AKR1B1: variants seen among roughly 807,000 people sequenced by gnomAD.
AKR1B1 encodes aldo-keto reductase family 1 member B1.
In AKR1B1, 22 loss-of-function variants were observed where a neutral mutation model predicts 40.4. The ratio of observed to expected loss-of-function variants is 0.54; its 90% CI spans 0.39 to 0.78. The LOEUF (loss-of-function observed/expected upper bound fraction) is 0.78. AKR1B1 is among the 30% of genes least tolerant of loss of function. AKR1B1 has a pLI of 0.00. For missense variants in AKR1B1, 357 were observed against 396.7 expected, an observed-to-expected ratio of 0.90 and a Z score of 0.85; for synonymous variants, 157 against 149.9, an observed-to-expected ratio of 1.05 and a Z score of -0.35.
intron 1 of AKR1B1, among the ~76,000 whole-genome samples, chr7:134,456,085 G>A (rs1226399981): frequency 6.6e-6 from 1 of 152,226 alleles, no homozygotes; most frequent in African/African-American, 2.4e-5. Flanking sequence ...AGGAGAATAA[G>A]GAACTGCACC....
chr7:134,457,660 C>G (rs903177087), intron 1 of AKR1B1, among the ~76,000 whole-genome samples: 1 of 152,236 alleles, frequency 6.6e-6, no homozygotes, highest in African/African-American at 2.4e-5. Flanking sequence ...GTTTTCTTCC[C>G]TTGTCTGTGT....
At chr7:134,448,180 G>T in intron 6 of AKR1B1, 119 bp from the exon 7 acceptor site, 1 of 969,224 alleles carries the variant, frequency 1.0e-6, no homozygotes, top group Non-Finnish European at 1.6e-6. Context: ...CCTCCTCAGA[G>T]CTGGGTTAAG....
At chr7:134,447,689 C>A in intron 7 of AKR1B1, 1 of 610,252 alleles carries the variant, frequency 1.6e-6, no homozygotes, top group Admixed American at 2.7e-5. Context: ...ACATTCCCTG[C>A]ACGGCTAAGA....
At chr7:134,455,016 A>G (rs1806423236) in intron 1 of AKR1B1, among the ~76,000 whole-genome samples, 1 of 152,200 alleles carries the variant, frequency 6.6e-6, no homozygotes, top group Non-Finnish European at 1.5e-5. Flanking sequence ...GGAAGTGAAC[A>G]GTAAATCTGG....
At chr7:134,442,895 G>GT in intron 9 of AKR1B1, 125 bp from the exon 10 acceptor site, 2 of 910,962 alleles carry the variant, frequency 2.2e-6, no homozygotes, top group South Asian at 2.8e-5. Flanking sequence ...CAACAAGCTA[G>GT]TTCTGAGTGT....
intron 4 of AKR1B1, chr7:134,449,389 A>G (rs1347906786): frequency 2.2e-4 from 126 of 564,392 alleles, no homozygotes; most frequent in Non-Finnish European, 5.4e-5. Context: ...GATCAAGACC[A>G]TCCTGGCTAA....
chr7:134,442,596 C>T lies in AKR1B1; in HGVS notation c.*132G>A, dbSNP rs1005992672. ...TTGAGATCCAACATCAAGCTAGACA[C>T]GCCCTCGCTGGCCACTCTACAGGTT... is the stretch of plus-strand genomic sequence containing the variant. On this transcript the variant is annotated 3_prime_UTR_variant, in exon 10 of 10. Transcript: ENST00000285930. 39 of 774,140 alleles carry T rather than the reference C, an allele frequency of 5.0e-5. No homozygotes were observed. The highest frequency in any genetic ancestry group is 4.2e-4 in the African/African-American group (24 of 57,662). The allele number at this position is 774,140 out of a possible 1,614,324, so 48.0% of individuals were successfully genotyped here.
rs1806059140 is a variant in AKR1B1 at position 134,445,256 on chromosome 7, C to G, written c.890G>C (p.Arg297Thr). The G allele has an allele frequency of 6.2e-7, 1 of 1,612,226 alleles. No homozygotes were observed. The highest frequency in any genetic ancestry group is 1.9e-4 in the Middle Eastern group (1 of 5,248). Reference sequence around the variant, plus strand: ...CACTCACCTCAACAAGGCACAGACCCTCCAGTTCCTGTTGTAGCTGAGTAA... The same window carrying G: ...CACTCACCTCAACAAGGCACAGACCGTCCAGTTCCTGTTGTAGCTGAGTAA... The part of the protein sequence containing the change: ...TTLLSYNRNW[R>T]VCALLSCTSH... The change falls in exon 9 of 10, where the codon AGG becomes ACG. Residue 297 changes from arginine (R) to threonine (T), a missense_variant. Coordinates refer to ENST00000285930, the MANE Select transcript of AKR1B1 (RefSeq NM_001628.4).
chr7:134,443,853 G>C (rs1311195058), intron 9 of AKR1B1, among the ~76,000 whole-genome samples: 3 of 152,102 alleles, frequency 2.0e-5, no homozygotes, highest in African/African-American at 7.2e-5. Context: ...AGCATTATCT[G>C]CCAGAGGGGT....
At chr7:134,449,599 A>AT in intron 4 of AKR1B1, 121 bp downstream of exon 4, 2 of 843,262 alleles carry the variant, frequency 2.4e-6, no homozygotes, top group Non-Finnish European at 3.9e-6. Context: ...AAAAAAAAAA[A>AT]GAGAGAGCAA....
intron 3 of AKR1B1, among the ~76,000 whole-genome samples, 170 bp downstream of exon 3, chr7:134,450,616 T>C (rs1015110055): frequency 6.6e-6 from 1 of 152,242 alleles, no homozygotes; most frequent in East Asian, 1.9e-4. Flanking sequence ...GGCCCGAGAC[T>C]GTGATTTCTA....
chr7:134,457,408 A>G lies in AKR1B1; in HGVS notation c.66+1589T>C, dbSNP rs186443244. The stretch of plus-strand genomic sequence containing the variant: ...CATCCATTCCAAGAGCATAACATGC[A>G]ACAGATGGAAATTAGCTTGGTGTCA... On this transcript the variant is annotated intron_variant, in intron 1 of 9. Coordinates refer to ENST00000285930, the MANE Select transcript of AKR1B1 (RefSeq NM_001628.4). Among the ~76,000 whole-genome samples the G allele has an allele frequency of 2.6e-4, 40 of 152,348 alleles. 1 individual carries two copies. In the East Asian group the frequency reaches 7.5e-3, roughly 29 times the overall value.
chr7:134,459,101 G>T (rs766593138), upstream of AKR1B1: 5 of 1,582,120 alleles, frequency 3.2e-6, no homozygotes, highest in Non-Finnish European at 4.3e-6. Context: ...AGTACGGTGC[G>T]GCCTTGGCCG....
At chr7:134,444,850 G>C (rs912486667) in intron 9 of AKR1B1, 1 of 336,636 alleles carries the variant, frequency 3.0e-6, no homozygotes, top group Admixed American at 4.0e-5. Context: ...AGGGGCTCCC[G>C]ACCAAACCCC....
chr7:134,447,333 A>C lies in AKR1B1; in HGVS notation c.790T>G (p.Ser264Ala), dbSNP rs1806132940. 6.2e-6 allele frequency: 10 copies of C among 1,614,084 alleles called. No homozygotes were observed. The highest frequency in any genetic ancestry group is 7.6e-6 in the Non-Finnish European group (9 of 1,180,002). The change falls in exon 8 of 10, where the codon TCT becomes GCT. Residue 264 changes from serine (S) to alanine (A), a missense_variant. Physicochemically the swap from Ser to Ala is moderately conservative, Grantham distance 99. Coordinates refer to ENST00000285930, the MANE Select transcript of AKR1B1 (RefSeq NM_001628.4). ...MQRNLVVIPKSVTPERIAENF... is the reference protein window; with the variant it reads ...MQRNLVVIPKAVTPERIAENF... Reference sequence around the variant, plus strand: ...TCAGCAATGCGTTCTGGTGTCACAGACTTGGGGATCACCACCAAGTTCCTC... The same window carrying C: ...TCAGCAATGCGTTCTGGTGTCACAGCCTTGGGGATCACCACCAAGTTCCTC...
chr7:134,452,916 C>T (rs907900698), intron 1 of AKR1B1, among the ~76,000 whole-genome samples: 3 of 152,142 alleles, frequency 2.0e-5, no homozygotes, highest in African/African-American at 4.8e-5. Flanking sequence ...GGATGCTCAT[C>T]GAAGGTGTGG....
At chr7:134,457,415 G>A (rs1806503889) in intron 1 of AKR1B1, among the ~76,000 whole-genome samples, 1 of 152,152 alleles carries the variant, frequency 6.6e-6, no homozygotes, top group Non-Finnish European at 1.5e-5. Flanking sequence ...TGCAACAGAT[G>A]GAAATTAGCT....
upstream of AKR1B1, chr7:134,459,132 C>A: frequency 6.5e-7 from 1 of 1,534,734 alleles, no homozygotes. Context: ...CTTTAAATAG[C>A]CCGTGAGGTC....
At position 134,442,794 on chromosome 7, in the gene AKR1B1, G is replaced by C. The variant is rs1417660992; in HGVS notation, c.909-24C>G. The C allele has an allele frequency of 1.9e-6, 3 of 1,613,062 alleles. No homozygotes were observed. In the South Asian group the frequency reaches 3.3e-5, roughly 18 times the overall value. On this transcript the variant is annotated intron_variant, in intron 9 of 9. Coordinates refer to ENST00000285930, the MANE Select transcript of AKR1B1 (RefSeq NM_001628.4). ...AGCTGTCAGGAGAAAGGAGAAAACA[G>C]TTGCTTTTTGAAGAGGTGATTTTGA...
Sources: gnomAD v4.1 joint callset for allele counts (sites outside exome capture counted in the v4.1 genomes callset) on GRCh38, gnomAD v4.1.1 for gene constraint, MANE v1.5 for transcripts, NCBI Gene and HGNC (gene_info 2026-07-23, HGNC 2026-07-21) for gene names.